Variants in EPHA6 observed in about 807,000 individuals in gnomAD.
EPHA6 encodes the protein EPH receptor A6.
In EPHA6, 50 loss-of-function variants were observed where a neutral mutation model predicts 112.0. The ratio of observed to expected loss-of-function variants is 0.45; its 90% CI spans 0.36 to 0.56. The LOEUF (loss-of-function observed/expected upper bound fraction) is 0.56. Ranked by LOEUF, EPHA6 falls within the 20% of genes least tolerant of loss-of-function variation. The pLI, the probability that EPHA6 is intolerant of heterozygous loss-of-function variation, is 0.00. For synonymous variants in EPHA6, 529 were observed against 490.7 expected (o/e 1.08, Z -1.03); for missense variants, 1,280 against 1,417.4 (o/e 0.90, Z 1.56).
At chr3:97,716,024 C>T (rs567694705) in intron 14 of EPHA6, among the ~76,000 whole-genome samples, 4 of 152,274 alleles carry the variant, frequency 2.6e-5, no homozygotes, top group South Asian at 2.1e-4. Context: ...TGATTAGCAT[C>T]TTTGGTAATT....
chr3:97,655,975 GT>G (rs902260706), intron 14 of EPHA6, among the ~76,000 whole-genome samples: 41 of 147,730 alleles, frequency 2.8e-4, no homozygotes, highest in African/African-American at 7.7e-4. Flanking sequence ...ACCTCAAAAT[GT>G]TTTTTTTTTA....
At chr3:97,224,927 T>A (rs1435234332) in intron 3 of EPHA6, among the ~76,000 whole-genome samples, 1 of 152,090 alleles carries the variant, frequency 6.6e-6, no homozygotes, top group East Asian at 1.9e-4. Flanking sequence ...TGACTGATTT[T>A]TTTTTTTGCT....
chr3:96,826,976 TC>T (rs1304052838), intron 1 of EPHA6, among the ~76,000 whole-genome samples: 1 of 152,110 alleles, frequency 6.6e-6, no homozygotes, highest in African/African-American at 2.4e-5. Context: ...TAAGTGGGGT[TC>T]CTTATCTTCC....
intron 13 of EPHA6, among the ~76,000 whole-genome samples, chr3:97,624,358 T>C (rs959331214): frequency 1.3e-5 from 2 of 151,670 alleles, no homozygotes; most frequent in Non-Finnish European, 3.0e-5. Flanking sequence ...GACTTTCATA[T>C]TTGAACCATC....
At chr3:97,289,339 TC>T (rs1310270000) in intron 5 of EPHA6, among the ~76,000 whole-genome samples, 2 of 152,174 alleles carry the variant, frequency 1.3e-5, no homozygotes, top group Non-Finnish European at 2.9e-5. Context: ...GAATAGTGAG[TC>T]CTTTCCCCAT....
At chr3:97,185,042 T>C (rs2077087627) in intron 3 of EPHA6, among the ~76,000 whole-genome samples, 1 of 152,168 alleles carries the variant, frequency 6.6e-6, no homozygotes, top group African/African-American at 2.4e-5. Flanking sequence ...ATCCCTTCCT[T>C]ACACCTTATA....
intron 11 of EPHA6, among the ~76,000 whole-genome samples, chr3:97,575,458 T>TA (rs2093373379): frequency 6.6e-6 from 1 of 152,144 alleles, no homozygotes; most frequent in Admixed American, 6.5e-5. Flanking sequence ...TCATTTACCT[T>TA]AAAAATTCAC....
chr3:97,594,566 T>C (rs1005236252), intron 12 of EPHA6, among the ~76,000 whole-genome samples: 24 of 152,236 alleles, frequency 1.6e-4, no homozygotes, highest in African/African-American at 4.8e-4. Flanking sequence ...ACATTTTGTG[T>C]GATACTTTTT....
intron 4 of EPHA6, among the ~76,000 whole-genome samples, chr3:97,242,154 A>C (rs1338522105): frequency 6.6e-6 from 1 of 151,748 alleles, no homozygotes; most frequent in African/African-American, 2.4e-5. Flanking sequence ...TTTCTAGGTG[A>C]TGTACCTATA....
Position 97,567,794 on chromosome 3 carries a change from T to C in EPHA6, c.2387-24818T>C, listed in dbSNP as rs546517349. Among the ~76,000 whole-genome samples the C allele has an allele frequency of 2.5e-3, 387 of 152,226 alleles. 4 individuals carry two copies. Among genetic ancestry groups the C allele is most frequent in the African/African-American group, 9.1e-3 (377 of 41,534 alleles). On this transcript the variant is annotated intron_variant, in intron 11 of 17. Coordinates refer to ENST00000389672, the MANE Select transcript of EPHA6 (RefSeq NM_001080448.3). ...CAAACTTTATTATACTCACAGGTCCTGAAGACAGGAGGCACAGCAAGCTAT... is the reference window on the plus strand; with the variant it reads ...CAAACTTTATTATACTCACAGGTCCCGAAGACAGGAGGCACAGCAAGCTAT...
chr3:97,665,401 T>C (rs973331878), intron 14 of EPHA6, among the ~76,000 whole-genome samples: 1 of 152,176 alleles, frequency 6.6e-6, no homozygotes, highest in Non-Finnish European at 1.5e-5. Context: ...ATTCAGGACA[T>C]AGGCCTGGGC....
At chr3:97,439,543 T>C in intron 6 of EPHA6, 1 of 733,124 alleles carries the variant, frequency 1.4e-6, no homozygotes. Flanking sequence ...AACAACTCTG[T>C]TGGTTGCCAA....
At chr3:97,649,437 A>G (rs1288771331) in intron 14 of EPHA6, among the ~76,000 whole-genome samples, 1 of 152,050 alleles carries the variant, frequency 6.6e-6, no homozygotes, top group African/African-American at 2.4e-5. Flanking sequence ...ATCTACTAAC[A>G]TAGAAAAAGC....
chr3:97,042,805 C>A (rs1028118428), intron 3 of EPHA6, among the ~76,000 whole-genome samples: 1 of 152,128 alleles, frequency 6.6e-6, no homozygotes, highest in Admixed American at 6.6e-5. Flanking sequence ...ATCAGACATA[C>A]TGCCCCATGT....
At chr3:96,839,246 G>T (rs1171258184) in intron 1 of EPHA6, among the ~76,000 whole-genome samples, 2 of 152,062 alleles carry the variant, frequency 1.3e-5, no homozygotes, top group Non-Finnish European at 2.9e-5. Context: ...GGGCAAGCAA[G>T]CATTACCGCC....
chr3:97,473,892 T>A (rs1034743858), intron 7 of EPHA6, among the ~76,000 whole-genome samples: 4 of 151,860 alleles, frequency 2.6e-5, no homozygotes, highest in Admixed American at 6.6e-5. Flanking sequence ...TTGTAGTACA[T>A]TGCTTGAAAA....
intron 3 of EPHA6, among the ~76,000 whole-genome samples, chr3:97,137,938 C>A (rs1300150095): frequency 6.6e-6 from 1 of 151,994 alleles, no homozygotes; most frequent in Non-Finnish European, 1.5e-5. Flanking sequence ...GCTATGACGT[C>A]CCTCTTCCAC....
At chr3:97,094,986 T>C (rs996078057) in intron 3 of EPHA6, among the ~76,000 whole-genome samples, 1 of 151,150 alleles carries the variant, frequency 6.6e-6, no homozygotes, top group Non-Finnish European at 1.5e-5. Context: ...AAGTTTTAGT[T>C]TTCTTATCTT....
chr3:96,874,675 T>C (rs2036840336), intron 2 of EPHA6, among the ~76,000 whole-genome samples: 1 of 152,086 alleles, frequency 6.6e-6, no homozygotes, highest in African/African-American at 2.4e-5. Flanking sequence ...ACACATAATC[T>C]AAAGACAACT....
Sources: allele counts gnomAD v4.1 joint callset (sites outside exome capture counted in the v4.1 genomes callset), GRCh38; gene constraint gnomAD v4.1.1; transcripts MANE v1.5; gene names NCBI Gene and HGNC (gene_info 2026-07-23, HGNC 2026-07-21).